Variants in LOC128462377 observed in about 807,000 individuals in gnomAD.
chr16:89,374,414 G>A, the LOC128462377 span, among the ~76,000 whole-genome samples: 1 of 152,202 alleles, frequency 6.6e-6, no homozygotes, highest in African/African-American at 2.4e-5. Context: ...TACATGGGCA[G>A]AGCTGAACGA....
the LOC128462377 span, among the ~76,000 whole-genome samples, chr16:89,337,007 C>CAAAAAAAAA: frequency 4.2e-5 from 2 of 47,742 alleles, no homozygotes; most frequent in Non-Finnish European, 7.5e-5. Flanking sequence ...CTGGCTCTAC[C>CAAAAAAAAA]AAAAAAAAAA....
At chr16:89,351,311 C>T in the LOC128462377 span, among the ~76,000 whole-genome samples, 1 of 152,146 alleles carries the variant, frequency 6.6e-6, no homozygotes, top group Non-Finnish European at 1.5e-5. Flanking sequence ...GAATACATTC[C>T]TGAAGGGGAT....
chr16:89,392,958 G>C, the LOC128462377 span, among the ~76,000 whole-genome samples: 2 of 151,692 alleles, frequency 1.3e-5, no homozygotes, highest in Non-Finnish European at 2.9e-5. Flanking sequence ...AGTCACCAAG[G>C]CCCTTTCTGT....
chr16:89,323,111 G>A, the LOC128462377 span: 30 of 318,422 alleles, frequency 9.4e-5, no homozygotes, highest in African/African-American at 2.9e-4. Context: ...GAGCCCTGCC[G>A]GCTGTTGTGC....
chr16:89,338,046 C>A, the LOC128462377 span, among the ~76,000 whole-genome samples: 3 of 152,228 alleles, frequency 2.0e-5, no homozygotes, highest in African/African-American at 7.2e-5. Context: ...ACTCCCTACA[C>A]ACCAGGACCA....
the LOC128462377 span, chr16:89,317,172 A>G: frequency 1.1e-6 from 1 of 895,838 alleles, no homozygotes; most frequent in African/African-American, 1.6e-5. Context: ...GTAACTAGTC[A>G]AGGCAGGCAG....
chr16:89,358,778 T>TGCC, the LOC128462377 span, among the ~76,000 whole-genome samples: 1 of 151,968 alleles, frequency 6.6e-6, no homozygotes, highest in South Asian at 2.1e-4. Context: ...ACTTCCCCTG[T>TGCC]GCCGCTAAAA....
chr16:89,378,743 C>A, the LOC128462377 span, among the ~76,000 whole-genome samples: 2,105 of 152,256 alleles, frequency 0.014, 59 homozygotes, highest in African/African-American at 0.048. Context: ...CCATGCCTGG[C>A]TAATTTTTTG....
chr16:89,335,882 G>A, the LOC128462377 span, among the ~76,000 whole-genome samples: 4 of 152,308 alleles, frequency 2.6e-5, no homozygotes, highest in East Asian at 5.8e-4. Flanking sequence ...CGCAGGGCAG[G>A]ATCCCCACAC....
chr16:89,410,230 C>T, the LOC128462377 span, among the ~76,000 whole-genome samples: 3 of 152,168 alleles, frequency 2.0e-5, no homozygotes, highest in Non-Finnish European at 2.9e-5. Flanking sequence ...CCGGTGGGTA[C>T]GGCCCTTTGA....
chr16:89,335,069 C>T, the LOC128462377 span, among the ~76,000 whole-genome samples: 2 of 152,128 alleles, frequency 1.3e-5, no homozygotes, highest in Admixed American at 6.5e-5. Flanking sequence ...CCGCAAAGAA[C>T]AATAAAAAAC....
the LOC128462377 span, among the ~76,000 whole-genome samples, chr16:89,407,668 TACACAC>T: frequency 6.6e-6 from 1 of 150,704 alleles, no homozygotes; most frequent in Non-Finnish European, 1.5e-5. Flanking sequence ...CAAACACACA[TACACAC>T]ACACACACAC....
At chr16:89,319,771 G>A in the LOC128462377 span, among the ~76,000 whole-genome samples, 1 of 152,240 alleles carries the variant, frequency 6.6e-6, no homozygotes, top group Non-Finnish European at 1.5e-5. Flanking sequence ...CCCGCCTGCA[G>A]GCACCAGGCG....
the LOC128462377 span, among the ~76,000 whole-genome samples, chr16:89,413,177 C>T: frequency 1.3e-5 from 2 of 152,166 alleles, no homozygotes; most frequent in Non-Finnish European, 2.9e-5. Context: ...TTTAAAGATG[C>T]CTAGCCACAG....
chr16:89,351,951 C>G, the LOC128462377 span, among the ~76,000 whole-genome samples: 2 of 152,190 alleles, frequency 1.3e-5, no homozygotes, highest in Non-Finnish European at 2.9e-5. Context: ...CACTCTGTCG[C>G]CCAGGATGGA....
chr16:89,360,173 CTGAG>C, the LOC128462377 span, among the ~76,000 whole-genome samples: 1 of 152,160 alleles, frequency 6.6e-6, no homozygotes, highest in Admixed American at 6.5e-5. Context: ...TTTTCTGTTC[CTGAG>C]TTAGTTTGCT....
chr16:89,344,152 A>C, the LOC128462377 span, among the ~76,000 whole-genome samples: 1 of 152,090 alleles, frequency 6.6e-6, no homozygotes, highest in African/African-American at 2.4e-5. Context: ...CTCTGGGAGG[A>C]GCACACACGG....
At chr16:89,325,918 C>A in the LOC128462377 span, among the ~76,000 whole-genome samples, 15 of 152,260 alleles carry the variant, frequency 9.9e-5, no homozygotes, top group South Asian at 3.1e-3. Flanking sequence ...ATGAGCATGA[C>A]GACGGAGCAG....
At chr16:89,406,936 T>C in the LOC128462377 span, among the ~76,000 whole-genome samples, 1 of 152,140 alleles carries the variant, frequency 6.6e-6, no homozygotes, top group African/African-American at 2.4e-5. Flanking sequence ...CCCAGCACTT[T>C]GGGAGGCCAG....
Sources: gnomAD v4.1 joint callset for allele counts (sites outside exome capture counted in the v4.1 genomes callset) on GRCh38, gnomAD v4.1.1 for gene constraint, MANE v1.5 for transcripts.